Variants in TBC1D5 observed in about 807,000 individuals in gnomAD.
TBC1D5 encodes TBC1 domain family member 5.
A neutral mutation model predicts 100.3 loss-of-function variants in TBC1D5; 75 were observed. The observed-to-expected ratio is 0.75, with a 90% CI of 0.62 to 0.91. The LOEUF (loss-of-function observed/expected upper bound fraction) is 0.91. Ranked by LOEUF, TBC1D5 falls within the 40% of genes least tolerant of loss-of-function variation. The pLI, the probability that TBC1D5 is intolerant of heterozygous loss-of-function variation, is 0.00. For missense variants in TBC1D5, 910 were observed against 942.4 expected (o/e 0.97, Z 0.45); for synonymous variants, 323 against 325.6 (o/e 0.99, Z 0.09).
chr3:17,620,392 T>C (rs1022183364), intron 2 of TBC1D5, among the ~76,000 whole-genome samples: 7 of 152,180 alleles, frequency 4.6e-5, no homozygotes, highest in Non-Finnish European at 8.8e-5. Context: ...TGTAAAATAG[T>C]GGAAACTACT....
intron 2 of TBC1D5, among the ~76,000 whole-genome samples, chr3:17,511,599 C>A (rs2095908017): frequency 6.6e-6 from 1 of 151,964 alleles, no homozygotes; most frequent in South Asian, 2.1e-4. Flanking sequence ...CAATGATATT[C>A]ATACGTTCAT....
chr3:17,587,475 AT>A (rs1261214207), intron 2 of TBC1D5, among the ~76,000 whole-genome samples: 3 of 152,018 alleles, frequency 2.0e-5, no homozygotes, highest in Non-Finnish European at 4.4e-5. Context: ...TTCAATATAA[AT>A]TATTTCAAAC....
chr3:17,653,875 T>C (rs2065811619), intron 1 of TBC1D5, among the ~76,000 whole-genome samples: 2 of 152,084 alleles, frequency 1.3e-5, no homozygotes. Context: ...CAACCAACCT[T>C]AACTTCCTCC....
intron 2 of TBC1D5, among the ~76,000 whole-genome samples, chr3:17,543,662 A>G (rs927764026): frequency 6.6e-6 from 1 of 152,034 alleles, no homozygotes; most frequent in African/African-American, 2.4e-5. Flanking sequence ...AACAAAACAG[A>G]AAAGAAAGAA....
At chr3:17,468,497 A>G (rs111856139) in intron 3 of TBC1D5, among the ~76,000 whole-genome samples, 6 of 152,232 alleles carry the variant, frequency 3.9e-5, no homozygotes, top group African/African-American at 1.4e-4. Context: ...TCTTTTTTCC[A>G]AAGAAATTAC....
rs114486675 is a variant in TBC1D5, at chr3:17,287,201, C to T, written c.1245+4694G>A. ...AGAAATATTCTCGATTAGTGATGTT[C>T]AACTAGATTAGAGTCAGTGTGGTGA... is the stretch of plus-strand genomic sequence containing the variant. On this transcript the variant is annotated intron_variant, in intron 15 of 21. Coordinates refer to ENST00000253692, the Ensembl canonical transcript of TBC1D5. Among the ~76,000 whole-genome samples, 904 of 152,240 alleles carry T rather than the reference C, an allele frequency of 5.9e-3. 5 individuals are homozygous for T. The highest frequency in any genetic ancestry group is 0.021 in the African/African-American group (882 of 41,524).
chr3:17,202,068 T>C (rs1427690146), intron 18 of TBC1D5, among the ~76,000 whole-genome samples: 1 of 152,200 alleles, frequency 6.6e-6, no homozygotes, highest in Non-Finnish European at 1.5e-5. Context: ...TGGAAACTTG[T>C]TAAACTGTTG....
intron 2 of TBC1D5, among the ~76,000 whole-genome samples, chr3:17,588,146 A>G (rs958170539): frequency 6.6e-6 from 1 of 151,836 alleles, no homozygotes; most frequent in African/African-American, 2.4e-5. Context: ...TTTTAGGCCA[A>G]TTTTCAATTT....
chr3:17,670,239 T>C (rs1305110039), intron 1 of TBC1D5, among the ~76,000 whole-genome samples: 1 of 152,192 alleles, frequency 6.6e-6, no homozygotes, highest in Non-Finnish European at 1.5e-5. Flanking sequence ...GAATACCAAA[T>C]CACTCTGAAC....
intron 2 of TBC1D5, among the ~76,000 whole-genome samples, chr3:17,610,261 T>C (rs1195801512): frequency 6.6e-6 from 1 of 152,172 alleles, no homozygotes; most frequent in Non-Finnish European, 1.5e-5. Flanking sequence ...TATGGTTCAC[T>C]GCAACCTCAA....
intron 1 of TBC1D5, among the ~76,000 whole-genome samples, chr3:17,669,539 AG>A (rs1460885850): frequency 7.2e-5 from 11 of 152,212 alleles, no homozygotes; most frequent in Non-Finnish European, 1.5e-4. Flanking sequence ...CACCTTCTGT[AG>A]ACCCTAAAGA....
intron 18 of TBC1D5, among the ~76,000 whole-genome samples, chr3:17,185,688 A>G (rs1371465852): frequency 1.4e-5 from 2 of 144,556 alleles, no homozygotes; most frequent in Non-Finnish European, 3.1e-5. Context: ...CCTGGAACCT[A>G]GACTTTGTAA....
intron 2 of TBC1D5, among the ~76,000 whole-genome samples, chr3:17,590,335 C>G (rs2096758786): frequency 6.6e-6 from 1 of 152,140 alleles, no homozygotes; most frequent in Non-Finnish European, 1.5e-5. Flanking sequence ...AGTGTTGCAG[C>G]TAGAGGAGTT....
chr3:17,654,232 A>G (rs542225190), intron 1 of TBC1D5, among the ~76,000 whole-genome samples: 2 of 152,288 alleles, frequency 1.3e-5, no homozygotes, highest in South Asian at 2.1e-4. Context: ...TTTTAGCAAT[A>G]TCACTAGAAT....
chr3:17,403,575 T>A (rs1410723426), intron 7 of TBC1D5, among the ~76,000 whole-genome samples: 1 of 151,900 alleles, frequency 6.6e-6, no homozygotes, highest in Non-Finnish European at 1.5e-5. Context: ...AATAAAAAAA[T>A]ACAAATCAGA....
intron 3 of TBC1D5, among the ~76,000 whole-genome samples, chr3:17,496,106 G>A (rs2095703796): frequency 1.3e-5 from 2 of 152,084 alleles, no homozygotes; most frequent in African/African-American, 2.4e-5. Context: ...CACTCAGTCC[G>A]TTAAGTTTCC....
chr3:17,158,965 G>T, exon 22 of TBC1D5: 1 of 152,382 alleles, frequency 6.6e-6, no homozygotes, highest in Non-Finnish European at 1.5e-5. Context: ...AGGTGAGAAA[G>T]TGACCAATGG....
chr3:17,462,310 T>C (rs2095226689), intron 3 of TBC1D5, among the ~76,000 whole-genome samples: 2 of 150,790 alleles, frequency 1.3e-5, no homozygotes, highest in African/African-American at 2.5e-5. Flanking sequence ...TATTTAAATG[T>C]TTCGGACCTT....
intron 18 of TBC1D5, among the ~76,000 whole-genome samples, chr3:17,191,626 A>AT (rs1453528132): frequency 6.6e-6 from 1 of 151,562 alleles, no homozygotes; most frequent in East Asian, 1.9e-4. Context: ...TTTTTTATTT[A>AT]TTTTTTTTGA....
Sources: gnomAD v4.1 joint callset for allele counts (sites outside exome capture counted in the v4.1 genomes callset) on GRCh38, gnomAD v4.1.1 for gene constraint, MANE v1.5 for transcripts, NCBI Gene and HGNC (gene_info 2026-07-23, HGNC 2026-07-21) for gene names.